The following WT1 variants were observed in gnomAD, a reference collection of about 807,000 sequenced individuals.
WT1 encodes Wilms tumor protein.
A neutral mutation model predicts 60.8 loss-of-function variants in WT1; 8 were observed. That is an observed-to-expected ratio of 0.13 (90% CI 0.08 to 0.24). The LOEUF is 0.24. Ranked by LOEUF, WT1 falls within the 10% of genes least tolerant of loss-of-function variation. The probability of loss-of-function intolerance (pLI) is 1.00; values close to 1 mark genes in which losing one functional copy is unlikely to be tolerated. For synonymous variants in WT1, 312 were observed against 297.1 expected, an observed-to-expected ratio of 1.05 and a Z score of -0.52; for missense variants, 568 against 711.8, an observed-to-expected ratio of 0.80 and a Z score of 2.30.
rs1273567991 is a variant in WT1, at chr11:32,416,548, A to G, written c.966-8T>C. 1 of 1,614,144 alleles carries G rather than the reference A, an allele frequency of 6.2e-7. No homozygotes were observed. Among genetic ancestry groups the G allele is most frequent in the East Asian group, 2.2e-5 (1 of 44,882 alleles). On this transcript the variant is annotated splice_polypyrimidine_tract_variant and splice_region_variant and intron_variant, in intron 4 of 9. Coordinates refer to ENST00000452863, the MANE Select transcript of WT1 (RefSeq NM_024426.6). Reference sequence around the variant, plus strand: ...GAGCTCCCAGCAGCAACTCTAGAAAAGAAGAAGAGGTGGGGAGTGGGGAAT... The same window carrying G: ...GAGCTCCCAGCAGCAACTCTAGAAAGGAAGAAGAGGTGGGGAGTGGGGAAT...
At chr11:32,391,311 G>C (rs1851810680) in intron 9 of WT1, among the ~76,000 whole-genome samples, 1 of 152,178 alleles carries the variant, frequency 6.6e-6, no homozygotes, top group Non-Finnish European at 1.5e-5. Flanking sequence ...AGCATGTTGT[G>C]AAGATAGACT....
At chr11:32,434,640 G>A in intron 1 of WT1, 60 bp downstream of exon 1, 2 of 1,610,534 alleles carry the variant, frequency 1.2e-6, no homozygotes, top group Non-Finnish European at 1.7e-6. Flanking sequence ...GGGTGTCCTA[G>A]AGCGGAGAGT....
At chr11:32,418,283 T>G (rs995182953) in intron 3 of WT1, among the ~76,000 whole-genome samples, 2 of 149,580 alleles carry the variant, frequency 1.3e-5, no homozygotes, top group African/African-American at 2.4e-5. Flanking sequence ...TAAGACTCTA[T>G]GAGGGAAATG....
intron 3 of WT1, among the ~76,000 whole-genome samples, chr11:32,426,481 A>T (rs1163257601): frequency 6.6e-6 from 1 of 152,164 alleles, no homozygotes; most frequent in Non-Finnish European, 1.5e-5. Context: ...TTACCCACCG[A>T]AGGGAGGCGC....
intron 1 of WT1, among the ~76,000 whole-genome samples, chr11:32,431,868 G>A (rs762186160): frequency 1.3e-5 from 2 of 152,050 alleles, no homozygotes; most frequent in South Asian, 2.1e-4. Context: ...CCATCTCAAC[G>A]GTGGGGCCAA....
At chr11:32,432,638 G>A (rs1853351272) in intron 1 of WT1, among the ~76,000 whole-genome samples, 1 of 152,038 alleles carries the variant, frequency 6.6e-6, no homozygotes, top group Non-Finnish European at 1.5e-5. Flanking sequence ...ACTAGTCCTG[G>A]TCCCCTTTTA....
rs184717977 is a variant in WT1, at chr11:32,407,558, T to C, written c.1017-7514A>G. Among the ~76,000 whole-genome samples the C allele has an allele frequency of 5.1e-3, 776 of 152,186 alleles. 9 individuals carry two copies. Among genetic ancestry groups the C allele is most frequent in the African/African-American group, 0.018 (732 of 41,534 alleles). Reference sequence around the variant, plus strand: ...CATCCCCCCATCTTCACCTCCGTCTTCTCCCCTCTGCAGAGTTAATCAGAT... The same window carrying C: ...CATCCCCCCATCTTCACCTCCGTCTCCTCCCCTCTGCAGAGTTAATCAGAT... On this transcript the variant is annotated intron_variant, in intron 5 of 9. Transcript: ENST00000452863.
At position 32,401,516 on chromosome 11, in the gene WT1, G is replaced by C. The variant is rs559896239; in HGVS notation, c.1017-1472C>G. 5.4e-5 allele frequency among the ~76,000 whole-genome samples: 8 copies of C among 149,116 alleles called. No individual in the cohort carries two copies. The East Asian group carries it at 1.6e-3, about 30-fold the overall frequency. The stretch of plus-strand genomic sequence containing the variant: ...TTTTAAAAAATTATCGGGGGGGGGT[G>C]TGGTCCGAGAAGGATGCATCAGTAT... On this transcript the variant is annotated intron_variant, in intron 5 of 9. Coordinates refer to ENST00000452863, the MANE Select transcript of WT1 (RefSeq NM_024426.6).
At chr11:32,403,876 C>T (rs1487932000) in intron 5 of WT1, among the ~76,000 whole-genome samples, 3 of 151,964 alleles carry the variant, frequency 2.0e-5, no homozygotes, top group Non-Finnish European at 2.9e-5. Context: ...CGCGCCCAGC[C>T]GCAAATATTA....
chr11:32,430,258 G>A (rs140748290), intron 1 of WT1, among the ~76,000 whole-genome samples: 3 of 152,192 alleles, frequency 2.0e-5, no homozygotes, highest in Non-Finnish European at 4.4e-5. Context: ...CTGCATGGGC[G>A]AGCACGTTTG....
At chr11:32,416,774 C>G (rs974152618) in intron 4 of WT1, among the ~76,000 whole-genome samples, 2 of 152,192 alleles carry the variant, frequency 1.3e-5, no homozygotes, top group African/African-American at 4.8e-5. Flanking sequence ...GGCATCCCAG[C>G]TCTAGCACTT....
intron 5 of WT1, 74 bp downstream of exon 5, chr11:32,416,416 C>T (rs1852671272): frequency 6.3e-7 from 1 of 1,594,994 alleles, no homozygotes; most frequent in South Asian, 1.1e-5. Context: ...TCAGTCCTAA[C>T]TCCTGCATTG....
chr11:32,417,472 C>T (rs1590375128), intron 4 of WT1, 105 bp downstream of exon 4: 4 of 1,065,826 alleles, frequency 3.8e-6, no homozygotes, highest in East Asian at 5.0e-5. Flanking sequence ...GAGCTTTGCC[C>T]TTTCTTCTAA....
chr11:32,413,726 T>C (rs1852574908), intron 5 of WT1, among the ~76,000 whole-genome samples: 1 of 152,204 alleles, frequency 6.6e-6, no homozygotes, highest in Admixed American at 6.5e-5. Flanking sequence ...TGAAAATCTA[T>C]GTTGTGTGTG....
chr11:32,434,959 C>T lies in WT1; in HGVS notation c.402G>A (p.Pro134=), dbSNP rs777527675. ...AGTGAGGCGGCGGCGGCGGGGGTGGCGGCGGAGCCGGTGGCGGCGCGGGGC... is the reference window on the plus strand; with the variant it reads ...AGTGAGGCGGCGGCGGCGGGGGTGGTGGCGGAGCCGGTGGCGGCGCGGGGC... Residue 134 remains proline, a synonymous_variant, in exon 1 of 10, where the codon CCG becomes CCA. Coordinates refer to ENST00000452863, the MANE Select transcript of WT1 (RefSeq NM_024426.6). 2.4e-5 allele frequency: 37 copies of T among 1,548,124 alleles called. No homozygotes were observed. Among genetic ancestry groups the T allele is most frequent in the Non-Finnish European group, 3.2e-5 (37 of 1,150,992 alleles).
intron 5 of WT1, among the ~76,000 whole-genome samples, chr11:32,403,869 G>A (rs978957203): frequency 6.6e-6 from 1 of 151,850 alleles, no homozygotes; most frequent in South Asian, 2.1e-4. Flanking sequence ...ACTGCACCGC[G>A]CCCAGCCGCA....
At chr11:32,399,253 G>A (rs1852072591) in intron 6 of WT1, among the ~76,000 whole-genome samples, 1 of 151,190 alleles carries the variant, frequency 6.6e-6, no homozygotes, top group South Asian at 2.1e-4. Context: ...GGAATTTTAA[G>A]GGCAGTGAAA....
chr11:32,426,348 C>T (rs1216334724), intron 3 of WT1, among the ~76,000 whole-genome samples: 1 of 152,216 alleles, frequency 6.6e-6, no homozygotes, highest in Non-Finnish European at 1.5e-5. Flanking sequence ...ACAGCAATGA[C>T]ACCCTGGCAA....
chr11:32,419,013 G>A (rs1033503871), intron 3 of WT1, among the ~76,000 whole-genome samples: 1 of 152,026 alleles, frequency 6.6e-6, no homozygotes, highest in East Asian at 1.9e-4. Flanking sequence ...ACTCATCCCC[G>A]TGTCTGACTG....
Sources: allele counts gnomAD v4.1 joint callset (sites outside exome capture counted in the v4.1 genomes callset), GRCh38; gene constraint gnomAD v4.1.1; transcripts MANE v1.5; gene names NCBI Gene and HGNC (gene_info 2026-07-23, HGNC 2026-07-21).